FGD5: variants seen among roughly 807,000 people sequenced by gnomAD.
FGD5 encodes FYVE, RhoGEF and PH domain-containing protein 5.
A neutral mutation model predicts 133.4 loss-of-function variants in FGD5; 28 were observed. The ratio of observed to expected loss-of-function variants is 0.21; its 90% CI spans 0.16 to 0.29. The LOEUF (loss-of-function observed/expected upper bound fraction) is 0.29, where lower values mean the gene tolerates loss of function less well. Among genes scored for constraint, FGD5 ranks in the 10% least tolerant of loss-of-function variants. FGD5 has a pLI of 1.00. For missense variants in FGD5, 1,858 were observed against 1,895.2 expected, an observed-to-expected ratio of 0.98 and a Z score of 0.36; for synonymous variants, 810 against 776.5, an observed-to-expected ratio of 1.04 and a Z score of -0.72.
intron 7 of FGD5, among the ~76,000 whole-genome samples, chr3:14,899,920 A>G (rs1261010035): frequency 6.6e-6 from 1 of 152,216 alleles, no homozygotes; most frequent in Non-Finnish European, 1.5e-5. Context: ...AACAGCAAGT[A>G]CAAAGGCCCT....
At chr3:14,921,841 G>T (rs547551288) in intron 13 of FGD5, 77 bp from the exon 14 acceptor site, 1 of 1,386,010 alleles carries the variant, frequency 7.2e-7, no homozygotes, top group Admixed American at 2.0e-5. Flanking sequence ...ATCTGAGTGA[G>T]AACCTCATCC....
chr3:14,861,139 G>A (rs933634580), intron 1 of FGD5, among the ~76,000 whole-genome samples: 3 of 152,210 alleles, frequency 2.0e-5, no homozygotes, highest in African/African-American at 7.2e-5. Flanking sequence ...GCTGGAGGCA[G>A]CAACGGCCAC....
intron 1 of FGD5, among the ~76,000 whole-genome samples, chr3:14,828,112 A>T (rs577943661): frequency 7.2e-5 from 11 of 152,202 alleles, no homozygotes; most frequent in Admixed American, 7.2e-4. Flanking sequence ...TTGGGCAAGG[A>T]TTGCATGGAG....
chr3:14,885,517 G>T (rs553760144), intron 4 of FGD5, among the ~76,000 whole-genome samples: 3 of 152,170 alleles, frequency 2.0e-5, no homozygotes, highest in African/African-American at 4.8e-5. Flanking sequence ...AGTTGGTCAC[G>T]TCCCACGGGC....
intron 1 of FGD5, among the ~76,000 whole-genome samples, chr3:14,813,874 G>C (rs1462730919): frequency 6.6e-6 from 1 of 152,220 alleles, no homozygotes; most frequent in Admixed American, 6.5e-5. Context: ...GAACATGTGA[G>C]TGACAGATAT....
intron 4 of FGD5, among the ~76,000 whole-genome samples, chr3:14,886,043 A>G (rs1422925858): frequency 6.6e-6 from 1 of 152,218 alleles, no homozygotes; most frequent in Non-Finnish European, 1.5e-5. Flanking sequence ...TTTCTTGTGA[A>G]ATAAATCCAG....
intron 10 of FGD5, 56 bp from the exon 11 acceptor site, chr3:14,910,805 G>T: frequency 6.5e-7 from 1 of 1,546,792 alleles, no homozygotes; most frequent in Non-Finnish European, 8.8e-7. Context: ...CTGCACCCTT[G>T]TCTGGGATTC....
intron 13 of FGD5, 88 bp from the exon 14 acceptor site, chr3:14,921,830 C>T (rs13060887): frequency 0.2 from 243,289 of 1,234,094 alleles, 25,812 homozygotes; most frequent in East Asian, 0.31. Flanking sequence ...GCTCAAGGGG[C>T]ATCTGAGTGA....
At position 14,854,029 on chromosome 3, in the gene FGD5, G is replaced by C. The variant is rs528240342; in HGVS notation, c.2526-10099G>C. The stretch of plus-strand genomic sequence containing the variant: ...CAGGCTCTTCAGAGCTGGCCAGAAA[G>C]GACCTGCTGTATGTCAGCCCCTGGC... On this transcript the variant is annotated intron_variant, in intron 1 of 19. Coordinates refer to ENST00000285046, the MANE Select transcript of FGD5 (RefSeq NM_152536.4). Among the ~76,000 whole-genome samples the C allele has an allele frequency of 1.9e-3, 283 of 151,980 alleles. 4 individuals are homozygous for C. Among genetic ancestry groups the C allele is most frequent in the Middle Eastern group, 3.4e-3 (1 of 294 alleles).
chr3:14,829,878 C>G (rs969640607), intron 1 of FGD5, among the ~76,000 whole-genome samples: 4 of 152,182 alleles, frequency 2.6e-5, no homozygotes, highest in African/African-American at 9.7e-5. Context: ...TGAAGTGATT[C>G]TCTAAGAGAG....
chr3:14,877,127 G>T (rs1487765302), intron 2 of FGD5, among the ~76,000 whole-genome samples: 1 of 152,252 alleles, frequency 6.6e-6, no homozygotes, highest in South Asian at 2.1e-4. Context: ...GTTCCCAGAA[G>T]CCTGTCCCTG....
At chr3:14,921,492 A>G (rs2038679267) in intron 13 of FGD5, 1 of 187,038 alleles carries the variant, frequency 5.3e-6, no homozygotes, top group African/African-American at 2.3e-5. Context: ...TGGGAGACAC[A>G]GATGTTTACC....
chr3:14,923,162 G>C lies in FGD5; in HGVS notation c.3924G>C (p.Pro1308=). The change falls in exon 16 of 20, where the codon CCG becomes CCC. Residue 1308 remains proline, a synonymous_variant. Coordinates refer to ENST00000285046, the MANE Select transcript of FGD5 (RefSeq NM_152536.4). ...GELKKRGRAV[P]GLMRERPVSM... ...TGAAGAAGCGGGGCAGGGCTGTCCCGGGCCTGATGAGAGGTAACCTGGGGA... is the reference window on the plus strand; with the variant it reads ...TGAAGAAGCGGGGCAGGGCTGTCCCCGGCCTGATGAGAGGTAACCTGGGGA... The C allele has an allele frequency of 6.2e-7, 1 of 1,613,080 alleles. No homozygotes were observed. Among genetic ancestry groups the C allele is most frequent in the Non-Finnish European group, 8.5e-7 (1 of 1,179,654 alleles).
At chr3:14,871,714 G>A (rs1425735469) in intron 2 of FGD5, among the ~76,000 whole-genome samples, 2 of 152,196 alleles carry the variant, frequency 1.3e-5, no homozygotes, top group Non-Finnish European at 2.9e-5. Flanking sequence ...CTTGAAGGCA[G>A]CCAGGGCCAA....
At chr3:14,900,517 T>C (rs2307088) in intron 8 of FGD5, 64 bp downstream of exon 8, 836,128 of 1,575,224 alleles carry the variant, frequency 0.53, 226,678 homozygotes, top group Non-Finnish European at 0.56. Context: ...CGCCAAAGCC[T>C]GGACCCTGCC....
intron 1 of FGD5, among the ~76,000 whole-genome samples, chr3:14,845,289 A>T (rs1389300): frequency 1.3e-5 from 2 of 152,120 alleles, no homozygotes; most frequent in East Asian, 1.9e-4. Context: ...CTTGCTGGCC[A>T]CATCGACCCC....
rs1553621325 is a variant in FGD5 at position 14,811,050 on chromosome 3, C to CT, written c.13+185_13+186insT. ...TCCTCTCGCCGAGGAGGCTGAGAAC[C>CT]GGGGGTCCCCGTCCGAAGCGCCCTG... is the stretch of plus-strand genomic sequence containing the variant. On this transcript the variant is annotated intron_variant, in intron 1 of 1. Transcript: ENST00000640506. 3.9e-5 allele frequency among the ~76,000 whole-genome samples: 6 copies of CT among 152,062 alleles called. No individual in the cohort carries two copies. In the East Asian group the frequency reaches 1.2e-3, roughly 30 times the overall value.
upstream of FGD5, among the ~76,000 whole-genome samples, chr3:14,817,664 A>G (rs898389855): frequency 1.3e-5 from 2 of 152,206 alleles, no homozygotes; most frequent in African/African-American, 4.8e-5. Context: ...TTGCTGGCAG[A>G]GATCTCCCGG....
intron 1 of FGD5, among the ~76,000 whole-genome samples, chr3:14,842,585 CA>C: frequency 6.6e-6 from 1 of 152,228 alleles, no homozygotes; most frequent in African/African-American, 2.4e-5. Flanking sequence ...AGGTCCTCCC[CA>C]GGGCACACCC....
Sources: gnomAD v4.1 joint callset for allele counts (sites outside exome capture counted in the v4.1 genomes callset) on GRCh38, gnomAD v4.1.1 for gene constraint, MANE v1.5 for transcripts, NCBI Gene and HGNC (gene_info 2026-07-23, HGNC 2026-07-21) for gene names.